XPO4: variants seen among roughly 807,000 people sequenced by gnomAD.
XPO4 encodes the protein exportin-4.
In XPO4, 39 loss-of-function variants were observed where a neutral mutation model predicts 143.0. That is an observed-to-expected ratio of 0.27 (90% confidence interval 0.21 to 0.36). The LOEUF (loss-of-function observed/expected upper bound fraction) is 0.36. Ranked by LOEUF, XPO4 falls within the 10% of genes least tolerant of loss-of-function variation. XPO4 has a pLI of 1.00. For synonymous variants in XPO4, 439 were observed against 474.0 expected, an observed-to-expected ratio of 0.93 and a Z score of 0.96; for missense variants, 907 against 1,348.0, an observed-to-expected ratio of 0.67 and a Z score of 5.12.
At chr13:20,820,701 T>C (rs2059708352) in intron 9 of XPO4, among the ~76,000 whole-genome samples, 1 of 152,222 alleles carries the variant, frequency 6.6e-6, no homozygotes, top group Admixed American at 6.5e-5. Context: ...CTCTACCGTA[T>C]AAACACTTGT....
chr13:20,787,347 A>C, intron 21 of XPO4, 134 bp downstream of exon 21: 2 of 829,158 alleles, frequency 2.4e-6, no homozygotes, highest in Non-Finnish European at 3.9e-6. Flanking sequence ...CCAGAAAAAA[A>C]CAGTGAACAG....
intron 12 of XPO4, 121 bp downstream of exon 12, chr13:20,808,315 G>A (rs2059533761): frequency 9.6e-7 from 1 of 1,046,540 alleles, no homozygotes; most frequent in Non-Finnish European, 1.3e-6. Flanking sequence ...GACAGAAAAT[G>A]GCTGTATCCA....
At chr13:20,890,503 T>TA (rs2060501749) in intron 1 of XPO4, among the ~76,000 whole-genome samples, 2 of 148,502 alleles carry the variant, frequency 1.3e-5, no homozygotes, top group Admixed American at 6.7e-5. Flanking sequence ...TCAGAAGAAA[T>TA]ACGCAAAGAG....
At chr13:20,831,804 ATTT>A (rs34302388) in intron 6 of XPO4, among the ~76,000 whole-genome samples, 22 of 88,760 alleles carry the variant, frequency 2.5e-4, no homozygotes, top group African/African-American at 6.1e-4. Context: ...TAGTACAGTG[ATTT>A]TTTTTTTTTT....
At position 20,861,777 on chromosome 13, in the gene XPO4, C is replaced by CTTTTTTTT. The variant is rs71200306; in HGVS notation, c.317+932_317+939dup. Among the ~76,000 whole-genome samples the CTTTTTTTT allele has an allele frequency of 2.5e-3, 181 of 73,434 alleles. 14 individuals are homozygous for CTTTTTTTT. The highest frequency in any genetic ancestry group is 6.3e-3 in the African/African-American group (132 of 20,802). The allele number at this position is 73,434 out of a possible 152,430, so 48.2% of individuals were successfully genotyped here. A position where few individuals can be genotyped will look rare whatever the true frequency, so the allele number is the denominator to read the frequency against. ...TTAATAGAACCTTGCACATTTCTCT[C>CTTTTTTTT]TTTTTTTTTTTTTTTTTTTTTTTTT... On this transcript the variant is annotated intron_variant, in intron 3 of 22. Transcript: ENST00000255305.
At chr13:20,785,847 T>G (rs1404528451) in intron 22 of XPO4, among the ~76,000 whole-genome samples, 74 of 50,718 alleles carry the variant, frequency 1.5e-3, no homozygotes, top group Middle Eastern at 0.017. Flanking sequence ...GACAAGAGGG[T>G]GGAAGGGAAC....
At chr13:20,799,975 A>T (rs934583195) in intron 15 of XPO4, among the ~76,000 whole-genome samples, 181 bp downstream of exon 15, 1 of 152,220 alleles carries the variant, frequency 6.6e-6, no homozygotes. Flanking sequence ...GGAAAGCTCC[A>T]TTTGCATTTG....
chr13:20,864,045 C>G (rs989657738), intron 2 of XPO4, among the ~76,000 whole-genome samples: 1 of 152,034 alleles, frequency 6.6e-6, no homozygotes, highest in African/African-American at 2.4e-5. Flanking sequence ...TAAGAGAAAC[C>G]AATTTGAACC....
In XPO4 at chr13:20,871,368, G is replaced by A. The variant is rs149344266; in HGVS notation, c.70-2667C>T. Among the ~76,000 whole-genome samples the A allele has an allele frequency of 1.7e-3, 254 of 152,238 alleles. 1 individual carries two copies. The highest frequency in any genetic ancestry group is 2.9e-3 in the Non-Finnish European group (196 of 68,012). On this transcript the variant is annotated intron_variant, in intron 1 of 22. Coordinates refer to ENST00000255305, the MANE Select transcript of XPO4 (RefSeq NM_022459.5). Reference sequence around the variant, plus strand: ...AGAGTGTCACTCTGTCGTCCAGGCTGGAGTGCAGTGGCATGATCATAGTTC... The same window carrying A: ...AGAGTGTCACTCTGTCGTCCAGGCTAGAGTGCAGTGGCATGATCATAGTTC...
rs2059266054 is a variant in XPO4 at position 20,790,442 on chromosome 13, C to T, written c.2916+20G>A. The stretch of plus-strand genomic sequence containing the variant: ...TCAGTTACACATAGTGGTATGTTCA[C>T]ATTCAATTTCATTAATTACCTTCAA... On this transcript the variant is annotated intron_variant, in intron 19 of 22. Transcript: ENST00000255305. 2 of 1,562,002 alleles carry T rather than the reference C, an allele frequency of 1.3e-6. No homozygotes were observed. Among genetic ancestry groups the T allele is most frequent in the African/African-American group, 1.4e-5 (1 of 73,986 alleles).
intron 6 of XPO4, among the ~76,000 whole-genome samples, chr13:20,841,813 A>G (rs1393600603): frequency 6.6e-6 from 1 of 151,544 alleles, no homozygotes; most frequent in African/African-American, 2.4e-5. Flanking sequence ...CTCTTGTTAC[A>G]ATAAAAATGA....
At chr13:20,804,171 A>G (rs1272121469) in intron 13 of XPO4, among the ~76,000 whole-genome samples, 1 of 150,578 alleles carries the variant, frequency 6.6e-6, no homozygotes, top group South Asian at 2.1e-4. Context: ...ATATATACAC[A>G]CTATATACAT....
At chr13:20,866,225 T>C (rs978766080) in intron 2 of XPO4, 21 of 984,760 alleles carry the variant, frequency 2.1e-5, no homozygotes, top group South Asian at 1.4e-4. Flanking sequence ...GCATGCCACA[T>C]GCATGCACAG....
intron 1 of XPO4, among the ~76,000 whole-genome samples, chr13:20,870,547 T>C (rs2060286087): frequency 6.6e-6 from 1 of 152,018 alleles, no homozygotes; most frequent in Non-Finnish European, 1.5e-5. Flanking sequence ...CTGGCCAACA[T>C]GGTGAAACCC....
At chr13:20,815,345 C>G (rs961000116) in intron 9 of XPO4, among the ~76,000 whole-genome samples, 9 of 152,144 alleles carry the variant, frequency 5.9e-5, no homozygotes, top group African/African-American at 2.2e-4. Flanking sequence ...GTCGTTTCAT[C>G]AGCTGTAACA....
At chr13:20,853,408 T>TGAGGTGG (rs1254032246) in intron 4 of XPO4, among the ~76,000 whole-genome samples, 4 of 151,220 alleles carry the variant, frequency 2.6e-5, no homozygotes, top group Non-Finnish European at 4.4e-5. Context: ...CTCGAGAGGC[T>TGAGGTGG]GAGGTGGGAG....
chr13:20,804,166 T>C (rs1199653784), intron 13 of XPO4, among the ~76,000 whole-genome samples: 2 of 150,538 alleles, frequency 1.3e-5, no homozygotes, highest in Non-Finnish European at 1.5e-5. Context: ...AATATATATA[T>C]ACACACTATA....
At chr13:20,859,785 T>TAA (rs531329457) in intron 3 of XPO4, 1,678 of 678,114 alleles carry the variant, frequency 2.5e-3, no homozygotes, top group Non-Finnish European at 2.8e-3. Context: ...CAAAAAAAAT[T>TAA]AAAAAAAAAA....
chr13:20,886,544 G>A (rs556016295), intron 1 of XPO4, among the ~76,000 whole-genome samples: 8 of 151,976 alleles, frequency 5.3e-5, no homozygotes, highest in African/African-American at 1.7e-4. Flanking sequence ...CCCAAGATGC[G>A]GTGGGTTCAA....
Sources: gnomAD v4.1 joint callset for allele counts (sites outside exome capture counted in the v4.1 genomes callset) on GRCh38, gnomAD v4.1.1 for gene constraint, MANE v1.5 for transcripts, NCBI Gene and HGNC (gene_info 2026-07-23, HGNC 2026-07-21) for gene names.